BANP: variants seen among roughly 807,000 people sequenced by gnomAD.
BANP encodes BTG3 associated nuclear protein.
In BANP, 11 loss-of-function variants were observed where a neutral mutation model predicts 68.1. The observed-to-expected ratio is 0.16, with a 90% CI of 0.10 to 0.27. The LOEUF (loss-of-function observed/expected upper bound fraction) is 0.27, where lower values mean the gene tolerates loss of function less well. Among genes scored for constraint, BANP ranks in the 10% least tolerant of loss-of-function variants. The probability of loss-of-function intolerance (pLI) is 1.00; values close to 1 mark genes in which losing one functional copy is unlikely to be tolerated. For missense variants in BANP, 504 were observed against 722.7 expected (o/e 0.70, Z 3.47); for synonymous variants, 329 against 303.2 (o/e 1.09, Z -0.88).
At chr16:87,960,301 CT>C (rs2058906333) in intron 1 of BANP, among the ~76,000 whole-genome samples, 1 of 152,136 alleles carries the variant, frequency 6.6e-6, no homozygotes, top group African/African-American at 2.4e-5. Context: ...GATGGTGGAT[CT>C]GGACCCAGAT....
At chr16:87,990,063 A>C (rs1283642623) in intron 4 of BANP, among the ~76,000 whole-genome samples, 4 of 152,254 alleles carry the variant, frequency 2.6e-5, no homozygotes, top group Non-Finnish European at 5.9e-5. Flanking sequence ...ACAGCAGCTC[A>C]CAGCCCCGGA....
chr16:87,987,778 C>CTT, intron 4 of BANP, among the ~76,000 whole-genome samples: 1 of 122,294 alleles, frequency 8.2e-6, no homozygotes, highest in Non-Finnish European at 1.7e-5. Context: ...CATGTAAGTT[C>CTT]TTTTTAAAAG....
chr16:88,018,568 T>C lies in BANP; in HGVS notation c.796T>C (p.Tyr266His). 1 of 1,611,908 alleles carries C rather than the reference T, an allele frequency of 6.2e-7. No homozygotes were observed. The highest frequency in any genetic ancestry group is 1.1e-5 in the South Asian group (1 of 90,852). Residue 266 changes from tyrosine (Y) to histidine (H), a missense_variant, in exon 7 of 14, where the codon TAC becomes CAC. By Grantham distance (83) the Tyr-to-His change is moderately conservative. Coordinates refer to ENST00000682872, the MANE Select transcript of BANP (RefSeq NM_001386991.1). The surrounding 1 kb of genome is among the most constrained non-coding windows in gnomAD (Gnocchi z 7.7). ...AEKMALTLLD[Y>H]LFHREVQAVS... ...GAAGATGGCGCTCACGCTGCTGGAC[T>C]ACCTCTTCCACCGCGAGGTGCAGGC...
chr16:88,058,126 T>A (rs1239288124), intron 11 of BANP, among the ~76,000 whole-genome samples: 1 of 126,196 alleles, frequency 7.9e-6, no homozygotes, highest in Non-Finnish European at 1.6e-5. Context: ...ATCTAGAGAC[T>A]GTAGATGCAG....
chr16:88,032,374 G>C (rs1342178944), intron 8 of BANP, among the ~76,000 whole-genome samples: 1 of 151,798 alleles, frequency 6.6e-6, no homozygotes, highest in African/African-American at 2.4e-5. Flanking sequence ...TCTAATTTTT[G>C]TATTTTTAGT....
intron 4 of BANP, among the ~76,000 whole-genome samples, chr16:87,986,656 A>G (rs1461151854): frequency 6.6e-6 from 1 of 152,222 alleles, no homozygotes; most frequent in Non-Finnish European, 1.5e-5. Flanking sequence ...GTCTGTGCTC[A>G]TGAAAACATG....
At chr16:88,067,405 C>T (rs756707284) in intron 12 of BANP, among the ~76,000 whole-genome samples, 1 of 152,228 alleles carries the variant, frequency 6.6e-6, no homozygotes, top group Admixed American at 6.5e-5. Flanking sequence ...AGGGAGGAGA[C>T]TCGAGCTGGA....
At chr16:87,955,248 C>T (rs1023887582) in intron 1 of BANP, among the ~76,000 whole-genome samples, 3 of 152,200 alleles carry the variant, frequency 2.0e-5, no homozygotes, top group Non-Finnish European at 4.4e-5. Context: ...AGAGCCTTGC[C>T]AGCCGAGCGT....
intron 11 of BANP, among the ~76,000 whole-genome samples, chr16:88,056,032 G>A (rs546491920): frequency 6.6e-6 from 1 of 152,332 alleles, no homozygotes; most frequent in East Asian, 1.9e-4. Flanking sequence ...CCTTGCTGGG[G>A]GGCTCAGGCC....
In BANP at chr16:87,975,299, G is replaced by A. The variant is rs1034599575; in HGVS notation, c.70+114G>A. 4.4e-5 allele frequency: 47 copies of A among 1,056,586 alleles called. 1 individual carries two copies. The highest frequency in any genetic ancestry group is 3.7e-4 in the South Asian group (27 of 73,318). 65.5% of individuals were successfully genotyped at this position (1,056,586 alleles called of 1,614,324 possible). On this transcript the variant is annotated intron_variant, in intron 2 of 13. Transcript: ENST00000682872. ...CAGAAGAAAAAGTAATGCATGCTGC[G>A]TATGAAAAGTTTGAATCCTAGAGAT... is the stretch of plus-strand genomic sequence containing the variant.
intron 11 of BANP, among the ~76,000 whole-genome samples, chr16:88,039,835 C>T (rs373722286): frequency 6.6e-6 from 1 of 151,906 alleles, no homozygotes; most frequent in African/African-American, 2.4e-5. Flanking sequence ...TGCTGCCCCA[C>T]GTGCCTTTGC....
Position 88,076,675 on chromosome 16 carries a change from C to T in BANP, c.*14C>T, listed in dbSNP as rs745833144. 6.2e-7 allele frequency: 1 copy of T among 1,602,682 alleles called. No individual in the cohort carries two copies. The highest frequency in any genetic ancestry group is 1.1e-5 in the South Asian group (1 of 90,786). On this transcript the variant is annotated 3_prime_UTR_variant, in exon 14 of 14. Coordinates refer to ENST00000682872, the MANE Select transcript of BANP (RefSeq NM_001386991.1). ...CAGATTCAGTGAGCGGTGCCCATGG[C>T]ACCAGGAGCCCCTCGCCGGCTCCGC...
At chr16:88,049,456 C>A (rs1487974886) in intron 11 of BANP, among the ~76,000 whole-genome samples, 2 of 152,120 alleles carry the variant, frequency 1.3e-5, no homozygotes, top group African/African-American at 2.4e-5. Flanking sequence ...ACTGAACCTG[C>A]CCTCTTGGGT....
intron 3 of BANP, among the ~76,000 whole-genome samples, chr16:87,983,143 A>G (rs911364271): frequency 1.1e-4 from 16 of 152,126 alleles, no homozygotes; most frequent in African/African-American, 3.4e-4. Context: ...AAGGAGAGAG[A>G]AAAGACGAAA....
At chr16:88,053,228 C>G (rs950292650) in intron 11 of BANP, among the ~76,000 whole-genome samples, 1 of 152,064 alleles carries the variant, frequency 6.6e-6, no homozygotes, top group Non-Finnish European at 1.5e-5. Flanking sequence ...ATCACCAACA[C>G]AACCACCCTA....
intron 11 of BANP, among the ~76,000 whole-genome samples, chr16:88,051,336 C>T (rs1036745466): frequency 5.9e-5 from 9 of 152,330 alleles, no homozygotes; most frequent in Admixed American, 1.3e-4. Context: ...GGGTGGGGTA[C>T]GGCACCTTTC....
intron 11 of BANP, among the ~76,000 whole-genome samples, chr16:88,045,851 C>T (rs1045792671): frequency 1.3e-5 from 2 of 152,084 alleles, no homozygotes; most frequent in Admixed American, 6.5e-5. Context: ...CAGTGTCTGT[C>T]GTCTTGGGAT....
In BANP at chr16:88,018,198, C is replaced by T. The variant is rs1393234131; in HGVS notation, c.656-230C>T. 1.3e-5 allele frequency among the ~76,000 whole-genome samples: 2 copies of T among 151,584 alleles called. No individual in the cohort carries two copies. Among genetic ancestry groups the T allele is most frequent in the Non-Finnish European group, 2.9e-5 (2 of 67,948 alleles). On this transcript the variant is annotated intron_variant, in intron 6 of 13. Transcript: ENST00000682872. The surrounding 1 kb of genome is among the most constrained non-coding windows in gnomAD (Gnocchi z 7.7). ...CCGAGGCCCTGCAGCCCCACAGGCA[C>T]GTGGCCGCTTCTCGGGGGTGGTGGG...
intron 7 of BANP, among the ~76,000 whole-genome samples, chr16:88,026,910 G>A (rs758896551): frequency 3.3e-5 from 5 of 152,268 alleles, no homozygotes; most frequent in Non-Finnish European, 7.3e-5. Context: ...GCCGGAAGGT[G>A]GTCAGTGCTC....
Sources: gnomAD v4.1 joint callset for allele counts (sites outside exome capture counted in the v4.1 genomes callset) on GRCh38, gnomAD v4.1.1 for gene constraint, Gnocchi (gnomAD v3.1) non-coding constraint, MANE v1.5 for transcripts, NCBI Gene and HGNC (gene_info 2026-07-23, HGNC 2026-07-21) for gene names.